CDC42EP4: variants seen among roughly 807,000 people sequenced by gnomAD.
CDC42EP4 encodes the protein CDC42 effector protein (Rho GTPase binding) 4.
A neutral mutation model predicts 5.6 loss-of-function variants in CDC42EP4; 6 were observed. That is an observed-to-expected ratio of 1.07 (90% CI 0.59 to 2.12). The LOEUF (loss-of-function observed/expected upper bound fraction) is 2.12, where lower values mean the gene tolerates loss of function less well. Among genes scored for constraint, CDC42EP4 ranks in the 30% most tolerant of loss-of-function variants. The pLI is 0.00. For missense variants in CDC42EP4, 490 were observed against 508.6 expected, an observed-to-expected ratio of 0.96 and a Z score of 0.35; for synonymous variants, 230 against 224.2, an observed-to-expected ratio of 1.03 and a Z score of -0.23.
In CDC42EP4 at chr17:73,286,039, A is replaced by T. The variant is rs1225635064; in HGVS notation, c.462T>A (p.Asp154Glu). ...CTGCCTCCTCCGTGCCCGCCTCCTC[A>T]TCGCCGCCCTCCCCGTCATTGGCCT... Reference protein sequence around the residue: ...VKKANDGEGGDEEAGTEEAVP... With the variant: ...VKKANDGEGGEEEAGTEEAVP... The change falls in exon 2 of 2, where the codon GAT (aspartate) becomes GAA (glutamate). Residue 154 changes from aspartate to glutamate, a missense_variant. Physicochemically the swap from Asp to Glu is conservative, Grantham distance 45 (BLOSUM62 2). Coordinates refer to ENST00000335793, the MANE Select transcript of CDC42EP4 (RefSeq NM_012121.5). The surrounding 1 kb of genome is among the most constrained non-coding windows in gnomAD (Gnocchi z 7.7). 6.2e-7 allele frequency: 1 copy of T among 1,613,736 alleles called. No individual in the cohort carries two copies. The highest frequency in any genetic ancestry group is 1.3e-5 in the African/African-American group (1 of 74,926).
intron 1 of CDC42EP4, among the ~76,000 whole-genome samples, chr17:73,292,130 C>G (rs968007128): frequency 1.3e-5 from 2 of 152,258 alleles, no homozygotes; most frequent in African/African-American, 4.8e-5. Flanking sequence ...GCAGGCCTCG[C>G]TCTCTGAAGC....
At chr17:73,307,642 G>A (rs1053237579) in intron 1 of CDC42EP4, among the ~76,000 whole-genome samples, 1 of 151,528 alleles carries the variant, frequency 6.6e-6, no homozygotes, top group Non-Finnish European at 1.5e-5. Flanking sequence ...TAGAGACAGG[G>A]TTTCACTGTG....
At chr17:73,306,126 C>T (rs1031464046) in intron 1 of CDC42EP4, among the ~76,000 whole-genome samples, 1 of 152,142 alleles carries the variant, frequency 6.6e-6, no homozygotes, top group Non-Finnish European at 1.5e-5. Context: ...AGAGAAGCTC[C>T]TCCATTCCTT....
At chr17:73,288,136 C>T (rs1439900713) in intron 1 of CDC42EP4, among the ~76,000 whole-genome samples, 1 of 152,192 alleles carries the variant, frequency 6.6e-6, no homozygotes, top group Non-Finnish European at 1.5e-5. Context: ...AAACCTTTAG[C>T]CACCACCTGC....
intron 1 of CDC42EP4, among the ~76,000 whole-genome samples, chr17:73,294,967 C>G (rs967338662): frequency 3.4e-5 from 5 of 148,338 alleles, no homozygotes; most frequent in African/African-American, 1.2e-4. Flanking sequence ...TGCTACCACA[C>G]CCGGCTAATT....
At chr17:73,287,114 CAG>C (rs2062138660) in intron 1 of CDC42EP4, among the ~76,000 whole-genome samples, 1 of 152,134 alleles carries the variant, frequency 6.6e-6, no homozygotes, top group Non-Finnish European at 1.5e-5. Context: ...TCCTGGTCCT[CAG>C]AGAGAGAAGG....
Position 73,285,573 on chromosome 17 carries a change from G to C in CDC42EP4, c.928C>G (p.Leu310Val). 6.2e-7 allele frequency: 1 copy of C among 1,611,946 alleles called. No individual in the cohort carries two copies. The highest frequency in any genetic ancestry group is 8.5e-7 in the Non-Finnish European group (1 of 1,179,568). The change falls in exon 2 of 2, where the codon CTC (leucine) becomes GTC (valine). Residue 310 changes from leucine to valine, a missense_variant. Physicochemically the swap from Leu to Val is conservative, Grantham distance 32. Transcript: ENST00000335793. The surrounding 1 kb of genome is among the most constrained non-coding windows in gnomAD (Gnocchi z 6.8). The part of the protein sequence containing the change: ...GSHTTRDSSS[L>V]SSCTSGILEE... ...AGGATGCCTGAGGTGCAGCTGGAGA[G>C]GGAGCTGCTGTCCCGTGTGGTGTGG... is the stretch of plus-strand genomic sequence containing the variant.
chr17:73,296,615 G>T (rs2062187086), intron 1 of CDC42EP4, among the ~76,000 whole-genome samples: 1 of 152,110 alleles, frequency 6.6e-6, no homozygotes, highest in African/African-American at 2.4e-5. Flanking sequence ...ACAAAAGGCA[G>T]AACAGAGGCC....
At position 73,286,452 on chromosome 17, in the gene CDC42EP4, G is replaced by T. The variant is rs746797027; in HGVS notation, c.49C>A (p.Arg17Ser). 6.2e-7 allele frequency: 1 copy of T among 1,609,922 alleles called. No individual in the cohort carries two copies. Among genetic ancestry groups the T allele is most frequent in the South Asian group, 1.1e-5 (1 of 90,846 alleles). Residue 17 changes from arginine to serine, a missense_variant, in exon 2 of 2, where the codon CGT (arginine) becomes AGT (serine). Arg to Ser is a moderately radical substitution (Grantham distance 110). Coordinates refer to ENST00000335793, the MANE Select transcript of CDC42EP4 (RefSeq NM_012121.5). The surrounding 1 kb of genome is among the most constrained non-coding windows in gnomAD (Gnocchi z 7.7). ...LVSSSVHSKR[R>S]SRADLTAEMI... ...TCGGCCGTGAGGTCCGCTCGGGAAC[G>T]GCGCTTGGAGTGCACCGAGCTGGAC...
At chr17:73,292,563 C>T (rs530550281) in intron 1 of CDC42EP4, among the ~76,000 whole-genome samples, 2 of 152,206 alleles carry the variant, frequency 1.3e-5, no homozygotes, top group East Asian at 3.9e-4. Context: ...ATCTCATATT[C>T]CTCAGTATAA....
intron 1 of CDC42EP4, among the ~76,000 whole-genome samples, chr17:73,305,561 C>T (rs2062240770): frequency 6.6e-6 from 1 of 152,236 alleles, no homozygotes; most frequent in Non-Finnish European, 1.5e-5. Flanking sequence ...AATCTTGCAT[C>T]TTGGCCCTGC....
chr17:73,295,646 T>C (rs2062180556), intron 1 of CDC42EP4, among the ~76,000 whole-genome samples: 1 of 152,162 alleles, frequency 6.6e-6, no homozygotes, highest in South Asian at 2.1e-4. Context: ...CTCATGCCTG[T>C]AATCCCAGCA....
Position 73,286,654 on chromosome 17 carries a change from G to T in CDC42EP4, c.-112-42C>A. ...AGAGGCAAAGGATTAACGCGGGCTG[G>T]CCACACGGCACAAAAGCCTCTTTGC... is the stretch of plus-strand genomic sequence containing the variant. On this transcript the variant is annotated intron_variant, in intron 1 of 1. Transcript: ENST00000335793. This position sits in a 1 kb window ranked among gnomAD's most constrained non-coding sequence, Gnocchi z 7.7. 1.6e-6 allele frequency: 1 copy of T among 614,372 alleles called. No homozygotes were observed. Among genetic ancestry groups the T allele is most frequent in the Non-Finnish European group, 2.8e-6 (1 of 352,978 alleles). The allele number at this position is 614,372 out of a possible 1,614,324, so 38.1% of individuals were successfully genotyped here.
At chr17:73,305,134 G>A (rs1293270105) in intron 1 of CDC42EP4, among the ~76,000 whole-genome samples, 1 of 152,212 alleles carries the variant, frequency 6.6e-6, no homozygotes, top group Non-Finnish European at 1.5e-5. Context: ...CAACAACGGA[G>A]GAGTCAAGAC....
chr17:73,305,073 C>A (rs1163966033), intron 1 of CDC42EP4, among the ~76,000 whole-genome samples: 1 of 152,170 alleles, frequency 6.6e-6, no homozygotes, highest in African/African-American at 2.4e-5. Context: ...GGAATTAGAA[C>A]AGCACAGAGA....
At position 73,286,560 on chromosome 17, in the gene CDC42EP4, T is replaced by C; in HGVS notation, c.-60A>G. ...GGTAGCCGGCAGGTCTGGGGTCAGA[T>C]CTGAAGTCCAAGTCCAGTGGGCAGA... On this transcript the variant is annotated 5_prime_UTR_variant, in exon 2 of 2. Coordinates refer to ENST00000335793, the MANE Select transcript of CDC42EP4 (RefSeq NM_012121.5). This position sits in a 1 kb window ranked among gnomAD's most constrained non-coding sequence, Gnocchi z 7.7. 7.5e-7 allele frequency: 1 copy of C among 1,333,790 alleles called. No individual in the cohort carries two copies. The highest frequency in any genetic ancestry group is 1.0e-6 in the Non-Finnish European group (1 of 979,848). The allele number at this position is 1,333,790 out of a possible 1,614,324, so 82.6% of individuals were successfully genotyped here.
chr17:73,290,564 C>A (rs1318959654), intron 1 of CDC42EP4, among the ~76,000 whole-genome samples: 1 of 152,224 alleles, frequency 6.6e-6, no homozygotes, highest in Non-Finnish European at 1.5e-5. Flanking sequence ...CCAGTCACAA[C>A]AAGCAAAACT....
intron 1 of CDC42EP4, among the ~76,000 whole-genome samples, chr17:73,295,126 T>C (rs1340672390): frequency 6.6e-6 from 1 of 152,068 alleles, no homozygotes; most frequent in African/African-American, 2.4e-5. Flanking sequence ...TGGATTTTCT[T>C]ATGTACTCCT....
In CDC42EP4 at chr17:73,285,352, T is replaced by A. The variant is rs545541901; in HGVS notation, c.*78A>T. On this transcript the variant is annotated 3_prime_UTR_variant, in exon 2 of 2. Coordinates refer to ENST00000335793, the MANE Select transcript of CDC42EP4 (RefSeq NM_012121.5). This position sits in a 1 kb window ranked among gnomAD's most constrained non-coding sequence, Gnocchi z 6.8. Reference sequence around the variant, plus strand: ...AAGGGTCCTGGCTGCCCCTGCGCCGTAGGGTCAAAGGTCATAGTGGGGTGG... The same window carrying A: ...AAGGGTCCTGGCTGCCCCTGCGCCGAAGGGTCAAAGGTCATAGTGGGGTGG... 119 of 1,183,530 alleles carry A rather than the reference T, an allele frequency of 1.0e-4. No individual in the cohort carries two copies. The East Asian group carries it at 2.2e-3, about 21-fold the overall frequency. The allele number at this position is 1,183,530 out of a possible 1,614,324, so 73.3% of individuals were successfully genotyped here. A position where few individuals can be genotyped will look rare whatever the true frequency, so the allele number is the denominator to read the frequency against.
Sources: allele counts gnomAD v4.1 joint callset (sites outside exome capture counted in the v4.1 genomes callset), GRCh38; gene constraint gnomAD v4.1.1; non-coding constraint Gnocchi (gnomAD v3.1); transcripts MANE v1.5; gene names NCBI Gene and HGNC (gene_info 2026-07-23, HGNC 2026-07-21).